DACH2: variants seen among roughly 807,000 people sequenced by gnomAD.
DACH2 encodes the protein dachshund family transcription factor 2.
A neutral mutation model predicts 35.8 loss-of-function variants in DACH2; 17 were observed. The observed-to-expected ratio is 0.48, with a 90% CI of 0.33 to 0.71. DACH2 has a LOEUF of 0.71. Ranked by LOEUF, DACH2 falls within the 30% of genes least tolerant of loss-of-function variation. DACH2 has a pLI of 0.02. For missense variants in DACH2, 469 were observed against 472.7 expected (o/e 0.99, Z 0.07); for synonymous variants, 195 against 177.3 (o/e 1.10, Z -0.79).
At chrX:86,228,865 GT>G (rs1475272886) in intron 1 of DACH2, among the ~76,000 whole-genome samples, 1 of 111,138 alleles carries the variant, frequency 9.0e-6, no homozygotes, top group Non-Finnish European at 1.9e-5. Context: ...CTGGATATTA[GT>G]CCTTTGTCAA....
At chrX:86,698,547 T>TTTTTTTTTTTTTTTG (rs1174484010) in intron 5 of DACH2, among the ~76,000 whole-genome samples, 1 of 85,042 alleles carries the variant, frequency 1.2e-5, no homozygotes, top group African/African-American at 4.4e-5. Flanking sequence ...TTTTTTTTTT[T>TTTTTTTTTTTTTTTG]TACAGGGTCT....
In DACH2 at chrX:86,462,228, T is replaced by G. The variant is rs750182997; in HGVS notation, c.528-52051T>G. Among the ~76,000 whole-genome samples, 52 of 111,930 alleles carry G rather than the reference T, an allele frequency of 4.6e-4. No homozygotes were observed. In the Admixed American group the frequency reaches 4.8e-3, roughly 10 times the overall value. On this transcript the variant is annotated intron_variant, in intron 2 of 11. Coordinates refer to ENST00000373125, the MANE Select transcript of DACH2 (RefSeq NM_053281.3). ...AATATCATATAAGAACAACACCTTA[T>G]TGCTCACTCTGAACTGAAGAGTTTC...
intron 1 of DACH2, among the ~76,000 whole-genome samples, chrX:86,356,999 C>G (rs1221649602): frequency 9.0e-6 from 1 of 111,236 alleles, no homozygotes; most frequent in East Asian, 2.8e-4. Context: ...TTGTATCACT[C>G]TGTATGCCTT....
At chrX:86,505,020 T>C (rs1175240039) in intron 2 of DACH2, among the ~76,000 whole-genome samples, 1 of 112,091 alleles carries the variant, frequency 8.9e-6, no homozygotes, top group Non-Finnish European at 1.9e-5. Flanking sequence ...AAGCTTCAAC[T>C]CCTTAATCCT....
chrX:86,156,060 A>G (rs949690209), intron 1 of DACH2, among the ~76,000 whole-genome samples: 6 of 111,376 alleles, frequency 5.4e-5, no homozygotes, highest in Non-Finnish European at 7.6e-5. Context: ...CTAAATTTGT[A>G]TGTTAAAATT....
At chrX:86,774,809 C>G (rs1389212984) in intron 7 of DACH2, among the ~76,000 whole-genome samples, 1 of 112,017 alleles carries the variant, frequency 8.9e-6, no homozygotes, top group Non-Finnish European at 1.9e-5. Context: ...TGTTTGTATA[C>G]ACACGAATGA....
chrX:86,443,943 A>G lies in DACH2; in HGVS notation c.527+67081A>G, dbSNP rs903174450. Among the ~76,000 whole-genome samples the G allele has an allele frequency of 9.9e-5, 11 of 111,330 alleles. No homozygotes were observed. The South Asian group carries it at 1.1e-3, about 11-fold the overall frequency. On this transcript the variant is annotated intron_variant, in intron 2 of 11. Transcript: ENST00000373125. ...TTTTGCATCTATGCATATTAGAGAT[A>G]TTTGCCTGTAGTTTTCTTTTTCTGT...
intron 1 of DACH2, among the ~76,000 whole-genome samples, chrX:86,316,818 G>T (rs911765634): frequency 5.4e-5 from 6 of 110,908 alleles, no homozygotes; most frequent in African/African-American, 2.0e-4. Flanking sequence ...TTACAAGGAG[G>T]TTTAGAATAT....
intron 1 of DACH2, among the ~76,000 whole-genome samples, chrX:86,252,290 G>A (rs1266369200): frequency 9.0e-6 from 1 of 111,090 alleles, no homozygotes; most frequent in Non-Finnish European, 1.9e-5. Flanking sequence ...CACTCTCTGA[G>A]TTGTCTGTTT....
At chrX:86,672,576 G>A (rs1244276196) in intron 4 of DACH2, among the ~76,000 whole-genome samples, 1 of 112,194 alleles carries the variant, frequency 8.9e-6, no homozygotes, top group African/African-American at 3.2e-5. Context: ...CTGCTCCAGA[G>A]GGTGAAAGTT....
Position 86,297,043 on chromosome X carries a change from GTATATATATATA to G in DACH2, c.489-79764_489-79753del, listed in dbSNP as rs35078642. 3.8e-3 allele frequency among the ~76,000 whole-genome samples: 344 copies of G among 89,931 alleles called. 3 individuals are homozygous for G. Among genetic ancestry groups the G allele is most frequent in the Middle Eastern group, 0.016 (3 of 189 alleles). 78.1% of individuals were successfully genotyped at this position (89,931 alleles called of 115,157 possible). A position where few individuals can be genotyped will look rare whatever the true frequency, so the allele number is the denominator to read the frequency against. ...CAGTCCTATAAATAAATATAATTGTGTATATATATATATATATATATATATATAATTAGAGCA... is the reference window on the plus strand; with the variant it reads ...CAGTCCTATAAATAAATATAATTGTGTATATATATATATATAATTAGAGCA... On this transcript the variant is annotated intron_variant, in intron 1 of 11. Transcript: ENST00000373125.
At chrX:86,288,328 T>C (rs1045477507) in intron 1 of DACH2, among the ~76,000 whole-genome samples, 3 of 111,981 alleles carry the variant, frequency 2.7e-5, no homozygotes, top group African/African-American at 9.7e-5. Context: ...CTGCACTGGG[T>C]CAGACCTGAT....
chrX:86,230,604 C>T (rs1031424532), intron 1 of DACH2, among the ~76,000 whole-genome samples: 22 of 111,198 alleles, frequency 2.0e-4, no homozygotes, highest in Admixed American at 1.7e-3. Flanking sequence ...CTGCTGTGAA[C>T]CTGTCTGGTC....
intron 2 of DACH2, among the ~76,000 whole-genome samples, chrX:86,412,439 C>T (rs2036630026): frequency 9.0e-6 from 1 of 111,627 alleles, no homozygotes; most frequent in Non-Finnish European, 1.9e-5. Context: ...CCCTGCAAAG[C>T]ATTGTCACCT....
At chrX:86,546,622 C>T (rs1182541594) in intron 3 of DACH2, among the ~76,000 whole-genome samples, 1 of 102,029 alleles carries the variant, frequency 9.8e-6, no homozygotes, top group Non-Finnish European at 1.9e-5. Context: ...CCAAGCGATT[C>T]TCCTGCCTCA....
chrX:86,624,936 G>A (rs747741023), intron 3 of DACH2, among the ~76,000 whole-genome samples: 4 of 110,455 alleles, frequency 3.6e-5, no homozygotes, highest in Admixed American at 9.7e-5. Flanking sequence ...GCAGTTTTAA[G>A]GTCAGACATA....
intron 1 of DACH2, among the ~76,000 whole-genome samples, chrX:86,258,944 G>C (rs978603607): frequency 9.0e-6 from 1 of 111,664 alleles, no homozygotes; most frequent in African/African-American, 3.2e-5. Context: ...GGAGACTTTG[G>C]TTAACTTTTG....
At chrX:86,417,706 C>T (rs1158152546) in intron 2 of DACH2, among the ~76,000 whole-genome samples, 1 of 111,125 alleles carries the variant, frequency 9.0e-6, no homozygotes, top group Non-Finnish European at 1.9e-5. Context: ...ACATCCAAAC[C>T]ATATAATTCC....
intron 1 of DACH2, among the ~76,000 whole-genome samples, chrX:86,172,700 G>A (rs759757927): frequency 2.7e-5 from 3 of 111,754 alleles, no homozygotes; most frequent in Non-Finnish European, 3.8e-5. Flanking sequence ...GTTCTATATA[G>A]TAAGGGAATT....
Sources: gnomAD v4.1 joint callset for allele counts (sites outside exome capture counted in the v4.1 genomes callset) on GRCh38, gnomAD v4.1.1 for gene constraint, MANE v1.5 for transcripts, NCBI Gene and HGNC (gene_info 2026-07-23, HGNC 2026-07-21) for gene names.